PRKN: variants seen among roughly 807,000 people sequenced by gnomAD.
The protein encoded by PRKN is parkin RBR E3 ubiquitin protein ligase.
PRKN carries 56 observed loss-of-function variants against 59.5 expected under a neutral mutation model. The ratio of observed to expected loss-of-function variants is 0.94; its 90% CI spans 0.76 to 1.18. PRKN has a LOEUF of 1.18. Among genes scored for constraint, PRKN ranks in the 50% most tolerant of loss-of-function variants. The pLI, the probability that PRKN is intolerant of heterozygous loss-of-function variation, is 0.00. For synonymous variants in PRKN, 250 were observed against 222.1 expected, an observed-to-expected ratio of 1.13 and a Z score of -1.12; for missense variants, 657 against 596.4, an observed-to-expected ratio of 1.10 and a Z score of -1.06.
chr6:162,258,052 T>G (rs901361542), intron 3 of PRKN, among the ~76,000 whole-genome samples: 1 of 152,154 alleles, frequency 6.6e-6, no homozygotes, highest in East Asian at 1.9e-4. Context: ...GCTCACGAGT[T>G]GCTGTCGCCT....
intron 2 of PRKN, among the ~76,000 whole-genome samples, chr6:162,284,997 G>A (rs1237462423): frequency 6.6e-6 from 1 of 152,140 alleles, no homozygotes; most frequent in African/African-American, 2.4e-5. Flanking sequence ...CTTTTAAGAT[G>A]AGATTCAGGT....
intron 7 of PRKN, among the ~76,000 whole-genome samples, chr6:161,769,148 A>G (rs1789555603): frequency 6.6e-6 from 1 of 152,226 alleles, no homozygotes; most frequent in Non-Finnish European, 1.5e-5. Context: ...AATGTCAAAA[A>G]GAAAATAAGA....
chr6:162,495,597 C>A (rs1400136323), intron 1 of PRKN, among the ~76,000 whole-genome samples: 1 of 152,210 alleles, frequency 6.6e-6, no homozygotes, highest in East Asian at 1.9e-4. Context: ...AAAGCCAGAT[C>A]TCAGTGTGAT....
At chr6:161,614,153 T>A (rs1206922394) in intron 7 of PRKN, among the ~76,000 whole-genome samples, 1 of 152,180 alleles carries the variant, frequency 6.6e-6, no homozygotes, top group Non-Finnish European at 1.5e-5. Context: ...TTCAGCCACA[T>A]CTCTCTGGTT....
At position 161,462,328 on chromosome 6, in the gene PRKN, T is replaced by C. The variant is rs1195260330; in HGVS notation, c.1084-75451A>G. Among the ~76,000 whole-genome samples, 1 of 152,210 alleles carries C rather than the reference T, an allele frequency of 6.6e-6. No individual in the cohort carries two copies. The highest frequency in any genetic ancestry group is 1.5e-5 in the Non-Finnish European group (1 of 68,034). On this transcript the variant is annotated intron_variant, in intron 9 of 11. Coordinates refer to ENST00000366898, the MANE Select transcript of PRKN (RefSeq NM_004562.3). The surrounding 1 kb of genome is among the most constrained non-coding windows in gnomAD (Gnocchi z 4.5). ...TGAACTTCCAGCTATCTGTGGTTTA[T>C]AAGCTGGCATAAGCTGGCATTTTTC... is the stretch of plus-strand genomic sequence containing the variant.
chr6:161,626,434 A>G (rs1401522275), intron 7 of PRKN, among the ~76,000 whole-genome samples: 5 of 152,220 alleles, frequency 3.3e-5, no homozygotes, highest in Non-Finnish European at 1.5e-5. Flanking sequence ...CCTTCCTTCA[A>G]CCATTAAAGA....
intron 1 of PRKN, among the ~76,000 whole-genome samples, chr6:162,576,549 C>T (rs1583837794): frequency 1.3e-5 from 2 of 152,128 alleles, no homozygotes; most frequent in African/African-American, 2.4e-5. Flanking sequence ...CAGTGGCTCA[C>T]GCCTGTAATT....
chr6:162,231,143 TTC>T (rs1778405137), intron 3 of PRKN, among the ~76,000 whole-genome samples: 2 of 152,118 alleles, frequency 1.3e-5, no homozygotes, highest in Admixed American at 1.3e-4. Flanking sequence ...CTCCCTCTCC[TTC>T]TCTCTCTCCT....
intron 6 of PRKN, among the ~76,000 whole-genome samples, chr6:161,790,184 C>T (rs926669919): frequency 1.6e-4 from 24 of 152,192 alleles, no homozygotes; most frequent in Non-Finnish European, 2.8e-4. Context: ...TTTAAAGAAA[C>T]GGGAGGATTG....
chr6:161,453,067 C>A (rs1161698922), intron 9 of PRKN, among the ~76,000 whole-genome samples: 4 of 152,160 alleles, frequency 2.6e-5, no homozygotes, highest in African/African-American at 4.8e-5. Context: ...TTTTTGATAT[C>A]TCTCATAGCC....
At chr6:161,923,562 A>AGGTTAACCACTT (rs1213247837) in intron 6 of PRKN, among the ~76,000 whole-genome samples, 1 of 152,140 alleles carries the variant, frequency 6.6e-6, no homozygotes, top group East Asian at 1.9e-4. Context: ...TTCTTCACCT[A>AGGTTAACCACTT]GGTTAACCAC....
At chr6:161,825,451 A>G (rs1243319546) in intron 6 of PRKN, among the ~76,000 whole-genome samples, 1 of 152,140 alleles carries the variant, frequency 6.6e-6, no homozygotes, top group Non-Finnish European at 1.5e-5. Flanking sequence ...GGCCTCGTCA[A>G]TATTTCCAAA....
At chr6:161,977,306 C>T (rs1299584367) in intron 5 of PRKN, among the ~76,000 whole-genome samples, 1 of 152,106 alleles carries the variant, frequency 6.6e-6, no homozygotes, top group East Asian at 1.9e-4. Flanking sequence ...CAGTTCCCCT[C>T]CACACGTCTC....
At chr6:161,791,474 C>T (rs1359358701) in intron 6 of PRKN, among the ~76,000 whole-genome samples, 1 of 152,218 alleles carries the variant, frequency 6.6e-6, no homozygotes, top group Non-Finnish European at 1.5e-5. Flanking sequence ...TTTGTTCTCT[C>T]TCATTTGCCC....
intron 5 of PRKN, among the ~76,000 whole-genome samples, chr6:162,005,666 A>G (rs978717320): frequency 2.0e-5 from 3 of 152,156 alleles, no homozygotes; most frequent in African/African-American, 7.2e-5. Flanking sequence ...AAAAGCCTTC[A>G]TTCATGATAA....
At chr6:162,381,322 A>G (rs1786473253) in intron 2 of PRKN, among the ~76,000 whole-genome samples, 1 of 152,094 alleles carries the variant, frequency 6.6e-6, no homozygotes, top group African/African-American at 2.4e-5. Flanking sequence ...CCTCCCTTTC[A>G]GTAATGTAAA....
intron 7 of PRKN, among the ~76,000 whole-genome samples, chr6:161,767,488 G>A (rs1789476772): frequency 6.7e-6 from 1 of 148,668 alleles, no homozygotes. Flanking sequence ...CTGCACTCCC[G>A]CCTGGGCGAC....
chr6:162,471,075 TA>T (rs569274564), intron 1 of PRKN, among the ~76,000 whole-genome samples: 1 of 76,028 alleles, frequency 1.3e-5, no homozygotes, highest in South Asian at 4.9e-4. Context: ...CTCTATTTTT[TA>T]TTTATTTATT....
intron 1 of PRKN, among the ~76,000 whole-genome samples, chr6:162,509,806 A>G (rs1334445738): frequency 6.6e-6 from 1 of 152,180 alleles, no homozygotes; most frequent in East Asian, 1.9e-4. Flanking sequence ...TCATTAAATT[A>G]TTCTGAATTT....
Sources: gnomAD v4.1 joint callset for allele counts (sites outside exome capture counted in the v4.1 genomes callset) on GRCh38, gnomAD v4.1.1 for gene constraint, Gnocchi (gnomAD v3.1) non-coding constraint, MANE v1.5 for transcripts, NCBI Gene and HGNC (gene_info 2026-07-23, HGNC 2026-07-21) for gene names.